The following ZNF407 variants were observed in gnomAD, a reference collection of about 807,000 sequenced individuals.
ZNF407 encodes the protein zinc finger protein 407.
ZNF407 carries 17 observed loss-of-function variants against 131.2 expected under a neutral mutation model. The observed-to-expected ratio is 0.13, with a 90% CI of 0.09 to 0.19. The LOEUF (loss-of-function observed/expected upper bound fraction) is 0.19, where lower values mean the gene tolerates loss of function less well. Ranked by LOEUF, ZNF407 falls within the 10% of genes least tolerant of loss-of-function variation. The pLI is 1.00. For missense variants in ZNF407, 2,681 were observed against 2,830.6 expected (o/e 0.95, Z 1.20); for synonymous variants, 1,156 against 1,062.0 (o/e 1.09, Z -1.72).
rs147315313 is a variant in ZNF407, at chr18:74,994,377, T to A, written c.5429-68773T>A. Among the ~76,000 whole-genome samples the A allele has an allele frequency of 2.0e-3, 299 of 152,356 alleles. 1 individual carries two copies. The highest frequency in any genetic ancestry group is 6.5e-3 in the African/African-American group (269 of 41,588). ...TTGACATTATTTCCGCTTAAAAAGT[T>A]ACAAAAAATAAGATCAAGATCCAGG... On this transcript the variant is annotated intron_variant, in intron 8 of 8. Transcript: ENST00000299687.
intron 8 of ZNF407, among the ~76,000 whole-genome samples, chr18:74,929,655 T>C (rs7233273): frequency 0.15 from 23,365 of 152,266 alleles, 2,173 homozygotes; most frequent in Middle Eastern, 0.31. Context: ...GAAACAAAGA[T>C]CATGTTGCCC....
intron 4 of ZNF407, among the ~76,000 whole-genome samples, chr18:74,831,244 A>G (rs1970479191): frequency 6.6e-6 from 1 of 152,244 alleles, no homozygotes; most frequent in Admixed American, 6.5e-5. Context: ...ATAGGAGTAC[A>G]GGCATTTCTA....
chr18:75,060,613 C>G (rs1973618938), intron 8 of ZNF407, among the ~76,000 whole-genome samples: 1 of 145,942 alleles, frequency 6.9e-6, no homozygotes, highest in Non-Finnish European at 1.5e-5. Context: ...TCCCGCCATT[C>G]TCCTGCCTCA....
At chr18:74,758,923 CT>C (rs1431746413) in intron 3 of ZNF407, among the ~76,000 whole-genome samples, 1 of 152,160 alleles carries the variant, frequency 6.6e-6, no homozygotes, top group Non-Finnish European at 1.5e-5. Context: ...ACGTCATTAC[CT>C]TTACTGGTCC....
intron 4 of ZNF407, among the ~76,000 whole-genome samples, chr18:74,801,950 A>C (rs564849054): frequency 1.6e-4 from 25 of 152,364 alleles, no homozygotes; most frequent in Admixed American, 1.3e-3. Flanking sequence ...TCCTTAAAAA[A>C]TAACCATTTT....
chr18:74,879,171 A>C (rs1175832253), intron 5 of ZNF407, among the ~76,000 whole-genome samples: 2 of 152,206 alleles, frequency 1.3e-5, no homozygotes, highest in Non-Finnish European at 2.9e-5. Flanking sequence ...ATAAATCTTA[A>C]GAGGGATTTT....
At chr18:74,700,067 A>G (rs1967455500) in intron 3 of ZNF407, among the ~76,000 whole-genome samples, 1 of 152,190 alleles carries the variant, frequency 6.6e-6, no homozygotes, top group East Asian at 1.9e-4. Flanking sequence ...TTGTAAACTT[A>G]TTTATACTTT....
intron 3 of ZNF407, among the ~76,000 whole-genome samples, chr18:74,659,306 C>G (rs1985612196): frequency 6.6e-6 from 1 of 151,976 alleles, no homozygotes. Context: ...TGGTTGAACA[C>G]CATGTAGGAT....
chr18:74,612,782 C>T (rs1983120637), intron 1 of ZNF407, among the ~76,000 whole-genome samples: 1 of 152,142 alleles, frequency 6.6e-6, no homozygotes. Context: ...GCACCTTGCC[C>T]ATGGGCACAG....
rs1012846229 is a variant in ZNF407 at position 75,048,605 on chromosome 18, C to A, written c.5429-14545C>A. 1.3e-5 allele frequency among the ~76,000 whole-genome samples: 2 copies of A among 151,974 alleles called. No homozygotes were observed. The highest frequency in any genetic ancestry group is 2.9e-5 in the Non-Finnish European group (2 of 68,018). On this transcript the variant is annotated intron_variant, in intron 8 of 8. Coordinates refer to ENST00000299687, the MANE Select transcript of ZNF407 (RefSeq NM_017757.3). The surrounding 1 kb of genome is among the most constrained non-coding windows in gnomAD (Gnocchi z 4.1). ...ACTGACAGGACTCTAACTCTCAGCT[C>A]GATGTGAAAACAAGAGATGCTTTCA...
chr18:74,901,797 A>G (rs370216965), intron 7 of ZNF407, among the ~76,000 whole-genome samples: 1 of 152,250 alleles, frequency 6.6e-6, no homozygotes, highest in East Asian at 1.9e-4. Flanking sequence ...CTTTAACTAC[A>G]CATGCACACA....
chr18:74,828,083 A>G (rs1381886838), intron 4 of ZNF407, among the ~76,000 whole-genome samples: 3 of 152,032 alleles, frequency 2.0e-5, no homozygotes, highest in East Asian at 3.9e-4. Context: ...TTTCTGCTCC[A>G]TTCTGTACCC....
At chr18:74,769,092 C>A (rs1969307618) in intron 3 of ZNF407, among the ~76,000 whole-genome samples, 1 of 152,072 alleles carries the variant, frequency 6.6e-6, no homozygotes, top group Non-Finnish European at 1.5e-5. Context: ...TTCGCCTTAC[C>A]TCATCTCATT....
At chr18:74,748,749 G>A (rs1968729115) in intron 3 of ZNF407, among the ~76,000 whole-genome samples, 1 of 152,114 alleles carries the variant, frequency 6.6e-6, no homozygotes. Flanking sequence ...ACATCAAAAT[G>A]AGGAGGAAAG....
At chr18:74,654,497 AC>A (rs1344276316) in intron 3 of ZNF407, among the ~76,000 whole-genome samples, 1 of 151,872 alleles carries the variant, frequency 6.6e-6, no homozygotes, top group African/African-American at 2.4e-5. Flanking sequence ...AAAGGAACTC[AC>A]TTGCCAGCTA....
chr18:74,958,489 T>C (rs1972302273), intron 8 of ZNF407, among the ~76,000 whole-genome samples: 1 of 151,900 alleles, frequency 6.6e-6, no homozygotes, highest in African/African-American at 2.4e-5. Flanking sequence ...CTGAGCTGCA[T>C]TGGGTTTGAT....
At chr18:74,814,587 GTCAAT>G (rs1970242283) in intron 4 of ZNF407, among the ~76,000 whole-genome samples, 1 of 152,180 alleles carries the variant, frequency 6.6e-6, no homozygotes, top group East Asian at 1.9e-4. Flanking sequence ...TTTATCCTCT[GTCAAT>G]TTCCAGTGCC....
Position 74,855,382 on chromosome 18 carries a change from T to C in ZNF407, c.4878-21815T>C, listed in dbSNP as rs185473553. ...AATAAAGCAAAACGTATGTTTAAAATTGTTTAACAGTCGTTGGAAGATACA... is the reference window on the plus strand; with the variant it reads ...AATAAAGCAAAACGTATGTTTAAAACTGTTTAACAGTCGTTGGAAGATACA... On this transcript the variant is annotated intron_variant, in intron 4 of 8. Coordinates refer to ENST00000299687, the MANE Select transcript of ZNF407 (RefSeq NM_017757.3). Among the ~76,000 whole-genome samples the C allele has an allele frequency of 2.1e-3, 316 of 152,078 alleles. 1 individual carries two copies. Among genetic ancestry groups the C allele is most frequent in the Middle Eastern group, 0.014 (4 of 294 alleles).
intron 7 of ZNF407, among the ~76,000 whole-genome samples, chr18:74,912,763 C>A (rs951643913): frequency 6.6e-6 from 1 of 151,972 alleles, no homozygotes; most frequent in Non-Finnish European, 1.5e-5. Context: ...CACAACCTAC[C>A]ATAAGCAAAG....
Sources: gnomAD v4.1 joint callset for allele counts (sites outside exome capture counted in the v4.1 genomes callset) on GRCh38, gnomAD v4.1.1 for gene constraint, Gnocchi (gnomAD v3.1) non-coding constraint, MANE v1.5 for transcripts, NCBI Gene and HGNC (gene_info 2026-07-23, HGNC 2026-07-21) for gene names.